Variants in CNGB3 observed in about 807,000 individuals in gnomAD.
CNGB3 encodes cyclic nucleotide gated channel subunit beta 3.
CNGB3 carries 86 observed loss-of-function variants against 92.8 expected under a neutral mutation model. That is an observed-to-expected ratio of 0.93 (90% confidence interval 0.78 to 1.11). The LOEUF (loss-of-function observed/expected upper bound fraction) is 1.11, where lower values mean the gene tolerates loss of function less well. CNGB3 is among the 50% of genes least tolerant of loss of function. CNGB3 has a pLI of 0.00. For missense variants in CNGB3, 1,026 were observed against 956.8 expected (o/e 1.07, Z -0.95); for synonymous variants, 333 against 332.7 (o/e 1.00, Z -0.01).
chr8:86,576,034 C>CTTTATCTTCATTTTCTTTTTG lies in CNGB3; in HGVS notation c.2179_2199dup (p.Gln727_Lys733dup), dbSNP rs746549330. The stretch of plus-strand genomic sequence containing the variant: ...TTATCTTTATCTTCATTTTCTTTTC[C>CTTTATCTTCATTTTCTTTTTG]TTTATCTTCATTTTCTTTTTGTTTA... On this transcript the variant is annotated inframe_insertion, in exon 18 of 18. Coordinates refer to ENST00000320005, the MANE Select transcript of CNGB3 (RefSeq NM_019098.5). 45 of 1,608,286 alleles carry CTTTATCTTCATTTTCTTTTTG rather than the reference C, an allele frequency of 2.8e-5. No homozygotes were observed. Among genetic ancestry groups the CTTTATCTTCATTTTCTTTTTG allele is most frequent in the Non-Finnish European group, 2.5e-5 (30 of 1,176,776 alleles).
At chr8:86,696,035 G>C (rs780167318) in intron 3 of CNGB3, among the ~76,000 whole-genome samples, 8 of 152,134 alleles carry the variant, frequency 5.3e-5, no homozygotes, top group Non-Finnish European at 1.0e-4. Context: ...TCCAGCACCT[G>C]CTCTGGTGGA....
At chr8:86,621,524 C>T (rs983010993) in intron 13 of CNGB3, among the ~76,000 whole-genome samples, 4 of 152,050 alleles carry the variant, frequency 2.6e-5, no homozygotes, top group African/African-American at 9.7e-5. Context: ...TTTGGTTACA[C>T]AGATACGTTC....
intron 15 of CNGB3, among the ~76,000 whole-genome samples, chr8:86,602,178 A>G (rs1822317219): frequency 6.6e-6 from 1 of 152,192 alleles, no homozygotes; most frequent in Non-Finnish European, 1.5e-5. Context: ...TCACTTTTGC[A>G]AGGACTCCCA....
intron 13 of CNGB3, among the ~76,000 whole-genome samples, chr8:86,617,709 A>C (rs1280981128): frequency 1.3e-5 from 2 of 152,182 alleles, no homozygotes; most frequent in Non-Finnish European, 2.9e-5. Context: ...AATTGGCAAT[A>C]GTTCTAATTT....
chr8:86,684,817 G>A (rs548183532), intron 3 of CNGB3, among the ~76,000 whole-genome samples: 6 of 152,160 alleles, frequency 3.9e-5, no homozygotes, highest in South Asian at 4.1e-4. Flanking sequence ...GGAGAATAGC[G>A]ATTGTCAAGG....
intron 6 of CNGB3, chr8:86,661,425 C>A: frequency 2.1e-6 from 1 of 473,868 alleles, no homozygotes; most frequent in South Asian, 1.8e-5. Flanking sequence ...TCCAGCAGAC[C>A]TGTTTTATGT....
At chr8:86,691,083 C>A (rs2131637515) in intron 3 of CNGB3, among the ~76,000 whole-genome samples, 1 of 152,094 alleles carries the variant, frequency 6.6e-6, no homozygotes, top group East Asian at 1.9e-4. Flanking sequence ...TAGTTTTTTC[C>A]AATTCTGGTT....
In CNGB3 at chr8:86,607,210, C is replaced by T. The variant is rs147846504; in HGVS notation, c.1663-2999G>A. On this transcript the variant is annotated intron_variant, in intron 14 of 17. Transcript: ENST00000320005. ...TGGCATAATCAACGAACCAAAACTT[C>T]CACTATTTCTTGCATATTTCTAGGC... Among the ~76,000 whole-genome samples, 17 of 152,246 alleles carry T rather than the reference C, an allele frequency of 1.1e-4. No individual in the cohort carries two copies. The East Asian group carries it at 2.7e-3, about 24-fold the overall frequency.
intron 3 of CNGB3, among the ~76,000 whole-genome samples, chr8:86,695,388 G>A (rs1049635581): frequency 6.6e-6 from 1 of 152,106 alleles, no homozygotes; most frequent in Non-Finnish European, 1.5e-5. Flanking sequence ...TGTCAGATCA[G>A]GTTAATTCGA....
At position 86,670,797 on chromosome 8, in the gene CNGB3, G is replaced by A. The variant is rs146075052; in HGVS notation, c.493+147C>T. On this transcript the variant is annotated intron_variant, in intron 4 of 17. Transcript: ENST00000320005. ...AACTTTGTTCTCTGTCTCACCACTC[G>A]TACCTTCCTGGATTACTCTCAAAAT... 8.7e-5 allele frequency: 78 copies of A among 899,248 alleles called. No homozygotes were observed. In the East Asian group the frequency reaches 1.4e-3, roughly 16 times the overall value. 55.7% of individuals were successfully genotyped at this position (899,248 alleles called of 1,614,324 possible). A position where few individuals can be genotyped will look rare whatever the true frequency, so the allele number is the denominator to read the frequency against.
rs1821708043 is a variant in CNGB3, at chr8:86,578,841, T to C, written c.1951A>G (p.Lys651Glu). Residue 651 changes from lysine to glutamate, a missense_variant, in exon 17 of 18, where the codon AAG becomes GAG. Physicochemically the swap from Lys to Glu is moderately conservative, Grantham distance 56. Coordinates refer to ENST00000320005, the MANE Select transcript of CNGB3 (RefSeq NM_019098.5). ...KARVLLKQKA[K>E]TAEATPPRKD... ...CTTGGAGGGGTTGCTTCTGCGGTCTTAGCCTTCTGCTTTAAAAGCACTCTG... is the reference window on the plus strand; with the variant it reads ...CTTGGAGGGGTTGCTTCTGCGGTCTCAGCCTTCTGCTTTAAAAGCACTCTG... The C allele has an allele frequency of 3.1e-6, 5 of 1,614,108 alleles. No homozygotes were observed. In the African/African-American group the frequency reaches 4.0e-5, roughly 13 times the overall value.
At chr8:86,605,997 T>C (rs921237702) in intron 14 of CNGB3, among the ~76,000 whole-genome samples, 1 of 152,188 alleles carries the variant, frequency 6.6e-6, no homozygotes, top group African/African-American at 2.4e-5. Context: ...AAGGCACAGA[T>C]TGGCTTAGCC....
chr8:86,695,433 T>C (rs1314066443), intron 3 of CNGB3, among the ~76,000 whole-genome samples: 2 of 152,222 alleles, frequency 1.3e-5, no homozygotes, highest in Admixed American at 6.5e-5. Context: ...TTCATTCTTC[T>C]ACTTGTTCAA....
At chr8:86,731,182 C>T (rs999448869) in intron 2 of CNGB3, among the ~76,000 whole-genome samples, 7 of 152,126 alleles carry the variant, frequency 4.6e-5, no homozygotes, top group African/African-American at 1.4e-4. Context: ...ACGCAAAACC[C>T]TCAAACATTC....
intron 13 of CNGB3, among the ~76,000 whole-genome samples, chr8:86,618,595 G>T (rs987407639): frequency 6.6e-6 from 1 of 152,196 alleles, no homozygotes; most frequent in Non-Finnish European, 1.5e-5. Context: ...GTCTGGCTCA[G>T]TGCTTTAGAC....
rs369116465 is a variant in CNGB3, at chr8:86,661,310, C to T, written c.852+5615G>A. The T allele has an allele frequency of 3.4e-4, 128 of 379,264 alleles. 1 individual carries two copies. The East Asian group carries it at 6.1e-3, about 18-fold the overall frequency. 23.5% of individuals were successfully genotyped at this position (379,264 alleles called of 1,614,324 possible). ...CATGCCAGTCATGTACTGTCATTTA[C>T]GAGTTCCACTGAATAAATCCTTTTC... On this transcript the variant is annotated intron_variant, in intron 6 of 17. Coordinates refer to ENST00000320005, the MANE Select transcript of CNGB3 (RefSeq NM_019098.5).
At chr8:86,634,767 A>T (rs1348261009) in intron 10 of CNGB3, among the ~76,000 whole-genome samples, 1 of 151,476 alleles carries the variant, frequency 6.6e-6, no homozygotes, top group Non-Finnish European at 1.5e-5. Context: ...CACTTTGGGT[A>T]ACTGGGCACT....
At chr8:86,623,023 T>G (rs2131578069) in intron 13 of CNGB3, among the ~76,000 whole-genome samples, 1 of 152,302 alleles carries the variant, frequency 6.6e-6, no homozygotes, top group South Asian at 2.1e-4. Flanking sequence ...GCCTAACCAT[T>G]CTACTATACA....
intron 7 of CNGB3, among the ~76,000 whole-genome samples, chr8:86,652,986 C>T (rs1429499932): frequency 2.6e-5 from 4 of 152,002 alleles, no homozygotes; most frequent in East Asian, 1.9e-4. Context: ...GGTTTGTTTA[C>T]ACCAGCATCA....
Sources: allele counts gnomAD v4.1 joint callset (sites outside exome capture counted in the v4.1 genomes callset), GRCh38; gene constraint gnomAD v4.1.1; transcripts MANE v1.5; gene names NCBI Gene and HGNC (gene_info 2026-07-23, HGNC 2026-07-21).